CDH20: variants seen among roughly 807,000 people sequenced by gnomAD.
The protein encoded by CDH20 is cadherin-20.
Under a neutral mutation model 74.2 loss-of-function variants are expected in CDH20, and 29 were observed. That is an observed-to-expected ratio of 0.39 (90% CI 0.29 to 0.53). The LOEUF (loss-of-function observed/expected upper bound fraction) is 0.53. Among genes scored for constraint, CDH20 ranks in the 20% least tolerant of loss-of-function variants. CDH20 has a pLI of 0.69. For synonymous variants in CDH20, 469 were observed against 405.4 expected (o/e 1.16, Z -1.88); for missense variants, 988 against 1,048.3 (o/e 0.94, Z 0.79).
intron 1 of CDH20, among the ~76,000 whole-genome samples, chr18:61,369,570 A>G (rs1040791805): frequency 3.9e-5 from 6 of 152,106 alleles, no homozygotes; most frequent in African/African-American, 1.4e-4. Flanking sequence ...CTGGGTATAT[A>G]TCCAAAGGAA....
At chr18:61,347,319 TACACACACACACACACACACACACACAC>T (rs33985303) in intron 1 of CDH20, among the ~76,000 whole-genome samples, 4 of 77,410 alleles carry the variant, frequency 5.2e-5, no homozygotes, top group African/African-American at 1.7e-4. Flanking sequence ...TATATATATA[TACACACACACACACACACACACACACAC>T]ACACATATAT....
intron 1 of CDH20, among the ~76,000 whole-genome samples, chr18:61,388,367 A>C (rs1331169845): frequency 6.6e-6 from 1 of 152,142 alleles, no homozygotes; most frequent in African/African-American, 2.4e-5. Flanking sequence ...CTTCCAACTC[A>C]ATGTTTAGTC....
At chr18:61,496,582 C>T (rs1240958781) in intron 2 of CDH20, among the ~76,000 whole-genome samples, 2 of 152,120 alleles carry the variant, frequency 1.3e-5, no homozygotes, top group Admixed American at 6.5e-5. Flanking sequence ...GAGTCAGGGG[C>T]GCCCTGTGGT....
At chr18:61,358,620 G>T (rs1473590363) in intron 1 of CDH20, among the ~76,000 whole-genome samples, 1 of 152,080 alleles carries the variant, frequency 6.6e-6, no homozygotes. Context: ...CTTAATGAAT[G>T]GATCAGTGGT....
intron 1 of CDH20, among the ~76,000 whole-genome samples, chr18:61,354,224 C>T (rs1910415675): frequency 1.3e-5 from 2 of 152,058 alleles, no homozygotes; most frequent in Admixed American, 6.5e-5. Flanking sequence ...GTCTCGACAC[C>T]ATTCTACTTT....
At position 61,443,923 on chromosome 18, in the gene CDH20, T is replaced by G. The variant is rs1314762331; in HGVS notation, c.-152-46479T>G. On this transcript the variant is annotated intron_variant, in intron 1 of 11. Transcript: ENST00000262717. ...CTGGGAAATTGCAGATGGCCCTAGA[T>G]AGCCAGGGTATGGGTAGTCCACCAC... Among the ~76,000 whole-genome samples, 3 of 151,954 alleles carry G rather than the reference T, an allele frequency of 2.0e-5. No individual in the cohort carries two copies. The East Asian group carries it at 5.8e-4, about 29-fold the overall frequency.
rs527731834 is a variant in CDH20, at chr18:61,422,441, T to C, written c.-152-67961T>C. Among the ~76,000 whole-genome samples the C allele has an allele frequency of 7.9e-5, 12 of 152,238 alleles. No homozygotes were observed. The East Asian group carries it at 1.5e-3, about 20-fold the overall frequency. The stretch of plus-strand genomic sequence containing the variant: ...ATGTTGCTACAGGGCAAAAAATAAA[T>C]AAATAAATAGCCACATTAATGAGAA... On this transcript the variant is annotated intron_variant, in intron 1 of 11. Coordinates refer to ENST00000262717, the MANE Select transcript of CDH20 (RefSeq NM_031891.4).
chr18:61,441,125 A>C (rs1167368399), intron 1 of CDH20, among the ~76,000 whole-genome samples: 1 of 152,156 alleles, frequency 6.6e-6, no homozygotes, highest in Non-Finnish European at 1.5e-5. Context: ...AAACTGATTG[A>C]TCATGGGATC....
intron 1 of CDH20, among the ~76,000 whole-genome samples, chr18:61,436,483 C>A (rs1228615458): frequency 2.0e-5 from 3 of 152,134 alleles, no homozygotes; most frequent in Non-Finnish European, 4.4e-5. Flanking sequence ...TTGTGGTGTT[C>A]ATTTCCTGAT....
At chr18:61,524,268 G>A (rs982405968) in intron 6 of CDH20, among the ~76,000 whole-genome samples, 2 of 152,116 alleles carry the variant, frequency 1.3e-5, no homozygotes, top group African/African-American at 2.4e-5. Context: ...CGCACACTAG[G>A]ATAGATAAAA....
chr18:61,404,894 G>A, intron 1 of CDH20: 4 of 656,482 alleles, frequency 6.1e-6, no homozygotes, highest in Non-Finnish European at 1.1e-5. Context: ...TGCTTCTAAT[G>A]GTGTCAGAAT....
At chr18:61,437,544 T>TA (rs756506329) in intron 1 of CDH20, among the ~76,000 whole-genome samples, 2 of 152,180 alleles carry the variant, frequency 1.3e-5, no homozygotes, top group Non-Finnish European at 2.9e-5. Flanking sequence ...ACTGGTGCCA[T>TA]AAGAAATAAC....
At chr18:61,535,576 C>T (rs1281272102) in intron 7 of CDH20, among the ~76,000 whole-genome samples, 1 of 152,100 alleles carries the variant, frequency 6.6e-6, no homozygotes. Flanking sequence ...ATAGATCCTA[C>T]CCAGGAGCTA....
At position 61,469,364 on chromosome 18, in the gene CDH20, T is replaced by TACACACAC. The variant is rs35516738; in HGVS notation, c.-152-21005_-152-20998dup. Among the ~76,000 whole-genome samples, 227 of 142,446 alleles carry TACACACAC rather than the reference T, an allele frequency of 1.6e-3. 1 individual carries two copies. Among genetic ancestry groups the TACACACAC allele is most frequent in the Middle Eastern group, 7.1e-3 (2 of 280 alleles). The allele number at this position is 142,446 out of a possible 152,430, so 93.5% of individuals were successfully genotyped here. ...TTAACCCCAGTTGGATGAGAATGAA[T>TACACACAC]ACACACACACACACACACACACACA... On this transcript the variant is annotated intron_variant, in intron 1 of 11. Coordinates refer to ENST00000262717, the MANE Select transcript of CDH20 (RefSeq NM_031891.4).
intron 1 of CDH20, among the ~76,000 whole-genome samples, chr18:61,368,607 C>G (rs1910934429): frequency 6.6e-6 from 1 of 151,718 alleles, no homozygotes; most frequent in Non-Finnish European, 1.5e-5. Flanking sequence ...ACTATTATGT[C>G]TAAATATCAT....
At chr18:61,383,170 A>T (rs1381293660) in intron 1 of CDH20, among the ~76,000 whole-genome samples, 4 of 152,240 alleles carry the variant, frequency 2.6e-5, no homozygotes, top group Admixed American at 6.5e-5. Flanking sequence ...TTATTATAGC[A>T]CAGTATCATC....
At chr18:61,406,121 A>G (rs891683866) in intron 1 of CDH20, among the ~76,000 whole-genome samples, 1 of 152,082 alleles carries the variant, frequency 6.6e-6, no homozygotes, top group Admixed American at 6.6e-5. Context: ...AAAATATTTG[A>G]GTGGGTTTAA....
At chr18:61,468,148 T>A (rs1053603254) in intron 1 of CDH20, among the ~76,000 whole-genome samples, 26 of 152,188 alleles carry the variant, frequency 1.7e-4, no homozygotes, top group African/African-American at 6.0e-4. Flanking sequence ...TTGTGATTAC[T>A]CTCAAGTTAA....
intron 1 of CDH20, among the ~76,000 whole-genome samples, chr18:61,414,726 T>A (rs1912628796): frequency 6.6e-6 from 1 of 152,082 alleles, no homozygotes; most frequent in African/African-American, 2.4e-5. Flanking sequence ...AAGTTTTAAT[T>A]TGATTAATGT....
Sources: allele counts gnomAD v4.1 joint callset (sites outside exome capture counted in the v4.1 genomes callset), GRCh38; gene constraint gnomAD v4.1.1; transcripts MANE v1.5; gene names NCBI Gene and HGNC (gene_info 2026-07-23, HGNC 2026-07-21).